Variants in OPCML observed in about 807,000 individuals in gnomAD.
OPCML encodes opioid-binding protein/cell adhesion molecule.
Under a neutral mutation model 37.8 loss-of-function variants are expected in OPCML, and 13 were observed. The observed-to-expected ratio is 0.34, with a 90% CI of 0.22 to 0.55. The LOEUF (loss-of-function observed/expected upper bound fraction) is 0.55, where lower values mean the gene tolerates loss of function less well. Among genes scored for constraint, OPCML ranks in the 20% least tolerant of loss-of-function variants. The probability of loss-of-function intolerance (pLI) is 0.91; values close to 1 mark genes in which losing one functional copy is unlikely to be tolerated. For missense variants in OPCML, 341 were observed against 435.6 expected (o/e 0.78, Z 1.93); for synonymous variants, 176 against 168.8 (o/e 1.04, Z -0.33).
chr11:132,651,581 T>G (rs1055611322), intron 3 of OPCML, among the ~76,000 whole-genome samples: 4 of 152,190 alleles, frequency 2.6e-5, no homozygotes, highest in African/African-American at 9.7e-5. Context: ...GGGTGGATAT[T>G]CTGTAGAGTG....
chr11:132,490,564 C>A (rs183590896), intron 4 of OPCML, among the ~76,000 whole-genome samples: 57 of 152,124 alleles, frequency 3.7e-4, no homozygotes, highest in Admixed American at 1.5e-3. Flanking sequence ...AAATGAAGAA[C>A]CTCCAGCACG....
intron 4 of OPCML, among the ~76,000 whole-genome samples, chr11:132,480,035 C>G (rs533338448): frequency 1.4e-3 from 213 of 152,298 alleles, no homozygotes; most frequent in Middle Eastern, 0.01. Flanking sequence ...CTTTGACGAG[C>G]TGAGAGAAGA....
intron 4 of OPCML, among the ~76,000 whole-genome samples, chr11:132,439,427 C>T (rs1242607276): frequency 2.0e-5 from 3 of 152,180 alleles, no homozygotes; most frequent in African/African-American, 7.2e-5. Context: ...GATGGTGCTA[C>T]TGGATCAAAA....
chr11:132,667,782 G>A (rs527369824), intron 2 of OPCML, among the ~76,000 whole-genome samples: 18 of 152,280 alleles, frequency 1.2e-4, no homozygotes, highest in Admixed American at 2.6e-4. Flanking sequence ...AATAACTATC[G>A]CAGAAAATGA....
chr11:132,980,726 T>C (rs1946562726), intron 1 of OPCML, among the ~76,000 whole-genome samples: 2 of 152,220 alleles, frequency 1.3e-5, no homozygotes, highest in South Asian at 4.1e-4. Context: ...AAGAGATAAT[T>C]TGGTAAATGG....
chr11:132,723,392 T>C (rs1944750719), intron 2 of OPCML, among the ~76,000 whole-genome samples: 1 of 152,204 alleles, frequency 6.6e-6, no homozygotes, highest in Non-Finnish European at 1.5e-5. Flanking sequence ...ATATCTGGGC[T>C]CTGCTATTTC....
intron 1 of OPCML, among the ~76,000 whole-genome samples, chr11:132,974,009 G>A (rs113427450): frequency 8.5e-5 from 13 of 152,194 alleles, no homozygotes; most frequent in African/African-American, 2.6e-4. Flanking sequence ...CTATCTACAC[G>A]TGGGTCTTCT....
intron 2 of OPCML, among the ~76,000 whole-genome samples, chr11:132,868,212 T>A (rs972936169): frequency 6.6e-6 from 1 of 151,198 alleles, no homozygotes. Context: ...GGCAACAAGG[T>A]CAAAAATAGA....
chr11:132,982,072 C>T (rs148900805), intron 1 of OPCML, among the ~76,000 whole-genome samples: 103 of 152,204 alleles, frequency 6.8e-4, no homozygotes, highest in African/African-American at 2.1e-3. Context: ...GGCTCGAATA[C>T]GGGCCCTTAA....
At chr11:133,503,078 G>A (rs1947951809) in intron 1 of OPCML, among the ~76,000 whole-genome samples, 1 of 152,114 alleles carries the variant, frequency 6.6e-6, no homozygotes, top group African/African-American at 2.4e-5. Context: ...TTTGAGGGCT[G>A]GGAATGCAAA....
At chr11:133,398,586 G>A (rs1945335836) in intron 1 of OPCML, among the ~76,000 whole-genome samples, 1 of 150,808 alleles carries the variant, frequency 6.6e-6, no homozygotes, top group Non-Finnish European at 1.5e-5. Context: ...CAAGGCGAAG[G>A]ATAAGACTAC....
At chr11:132,632,394 C>A (rs1940207153) in intron 3 of OPCML, among the ~76,000 whole-genome samples, 1 of 152,062 alleles carries the variant, frequency 6.6e-6, no homozygotes, top group Non-Finnish European at 1.5e-5. Flanking sequence ...CTTCACAACT[C>A]TGTGACACGA....
chr11:132,664,065 C>T (rs1942115798), intron 2 of OPCML, among the ~76,000 whole-genome samples: 1 of 152,106 alleles, frequency 6.6e-6, no homozygotes, highest in South Asian at 2.1e-4. Flanking sequence ...ATCTCCTGAC[C>T]TCATGATCCG....
intron 1 of OPCML, among the ~76,000 whole-genome samples, chr11:133,444,205 GC>G (rs1946424359): frequency 6.6e-6 from 1 of 152,104 alleles, no homozygotes; most frequent in African/African-American, 2.4e-5. Context: ...ACATGTTTAA[GC>G]AGAGGAGGAC....
chr11:133,020,418 T>C (rs1400144868), intron 1 of OPCML, among the ~76,000 whole-genome samples: 1 of 152,170 alleles, frequency 6.6e-6, no homozygotes, highest in Non-Finnish European at 1.5e-5. Flanking sequence ...TTAACCCAAC[T>C]TGTTTCTATT....
At chr11:133,285,580 C>T (rs1942273206) in intron 1 of OPCML, among the ~76,000 whole-genome samples, 3 of 152,228 alleles carry the variant, frequency 2.0e-5, no homozygotes, top group Non-Finnish European at 2.9e-5. Context: ...CAGACTTCAG[C>T]TGTTAAAAGG....
intron 3 of OPCML, among the ~76,000 whole-genome samples, chr11:132,640,424 G>A (rs755306416): frequency 2.0e-5 from 3 of 152,116 alleles, no homozygotes; most frequent in African/African-American, 4.8e-5. Context: ...AGTTACCCAC[G>A]CCTGTAAAAT....
chr11:132,436,303 T>C (rs2096012821), intron 6 of OPCML, 66 bp from the exon 7 acceptor site: 11 of 1,610,526 alleles, frequency 6.8e-6, no homozygotes, highest in African/African-American at 1.3e-5. Context: ...ACCAAACTCT[T>C]TTCTCCAACT....
chr11:132,474,359 G>A (rs1056648965), intron 4 of OPCML, among the ~76,000 whole-genome samples: 1 of 152,062 alleles, frequency 6.6e-6, no homozygotes, highest in Non-Finnish European at 1.5e-5. Flanking sequence ...AAATTAAGAG[G>A]AATTGGACCT....
Sources: gnomAD v4.1 joint callset for allele counts (sites outside exome capture counted in the v4.1 genomes callset) on GRCh38, gnomAD v4.1.1 for gene constraint, MANE v1.5 for transcripts, NCBI Gene and HGNC (gene_info 2026-07-23, HGNC 2026-07-21) for gene names.